CPSF4: variants seen among roughly 807,000 people sequenced by gnomAD.
The protein encoded by CPSF4 is cleavage and polyadenylation specificity factor subunit 4.
A neutral mutation model predicts 37.7 loss-of-function variants in CPSF4; 11 were observed. That is an observed-to-expected ratio of 0.29 (90% confidence interval 0.18 to 0.48). The LOEUF is 0.48. Ranked by LOEUF, CPSF4 falls within the 20% of genes least tolerant of loss-of-function variation. The pLI, the probability that CPSF4 is intolerant of heterozygous loss-of-function variation, is 0.99. For synonymous variants in CPSF4, 132 were observed against 135.9 expected, an observed-to-expected ratio of 0.97 and a Z score of 0.20; for missense variants, 144 against 359.5, an observed-to-expected ratio of 0.40 and a Z score of 4.85.
At chr7:99,440,668 ATATATATTTT>A (rs1290101641) in intron 1 of CPSF4, among the ~76,000 whole-genome samples, 14 of 84,798 alleles carry the variant, frequency 1.7e-4, no homozygotes, top group African/African-American at 1.5e-3. Context: ...ATATATATAT[ATATATATTTT>A]TTTTTTTTTT....
At chr7:99,442,910 T>C in intron 1 of CPSF4, 3 of 1,425,314 alleles carry the variant, frequency 2.1e-6, no homozygotes, top group Non-Finnish European at 3.0e-6. Context: ...GCTCTGCTCT[T>C]TTCCTCTTCT....
intron 1 of CPSF4, among the ~76,000 whole-genome samples, chr7:99,441,864 G>C (rs1234579888): frequency 6.6e-6 from 1 of 152,014 alleles, no homozygotes. Context: ...ACTAATTTTT[G>C]CATTTTTAGT....
chr7:99,450,833 C>T (rs780269981), intron 5 of CPSF4, 38 bp downstream of exon 5: 61 of 1,487,706 alleles, frequency 4.1e-5, no homozygotes, highest in Middle Eastern at 4.2e-4. Context: ...CCCCAGCTCC[C>T]GGCCCAGGCC....
At chr7:99,440,165 G>A (rs1024462757) in intron 1 of CPSF4, among the ~76,000 whole-genome samples, 4 of 152,160 alleles carry the variant, frequency 2.6e-5, no homozygotes, top group African/African-American at 9.7e-5. Context: ...CCAAGCGGGG[G>A]AAGGGACTTG....
At chr7:99,444,953 CG>C in intron 2 of CPSF4, 114 bp downstream of exon 2, 3 of 905,652 alleles carry the variant, frequency 3.3e-6, no homozygotes, top group Non-Finnish European at 3.5e-6. Context: ...TACAGACTAA[CG>C]ATCTCTGTAG....
Position 99,448,056 on chromosome 7 carries a change from C to T in CPSF4, c.155-65C>T. ...GGAAGTGAAGGTACCTCAGCTTCTT[C>T]AGGCCGTGTCCCCCAGGCTCAGGGT... On this transcript the variant is annotated intron_variant, in intron 2 of 7. Transcript: ENST00000292476. The surrounding 1 kb of genome is among the most constrained non-coding windows in gnomAD (Gnocchi z 4.4). The T allele has an allele frequency of 1.3e-6, 2 of 1,557,546 alleles. No individual in the cohort carries two copies. The highest frequency in any genetic ancestry group is 1.4e-5 in the African/African-American group (1 of 73,912).
rs775533517 is a variant in CPSF4, at chr7:99,448,167, G to C, written c.201G>C (p.Val67=). The stretch of plus-strand genomic sequence containing the variant: ...ACATCAGTGGTGAGAAGACAGTTGT[G>C]TGCAAACACTGGCTGCGTGGCCTAT... ...FRHISGEKTV[V]CKHWLRGLCK... The change falls in exon 3 of 8, where the codon GTG becomes GTC. Residue 67 remains valine, a synonymous_variant. Coordinates refer to ENST00000292476, the MANE Select transcript of CPSF4 (RefSeq NM_006693.4). The surrounding 1 kb of genome is among the most constrained non-coding windows in gnomAD (Gnocchi z 4.4). The C allele has an allele frequency of 1.5e-5, 25 of 1,614,088 alleles. No individual in the cohort carries two copies. In the African/African-American group the frequency reaches 2.4e-4, roughly 16 times the overall value.
At chr7:99,446,821 C>CTTTTT (rs1797543686) in intron 2 of CPSF4, among the ~76,000 whole-genome samples, 3 of 73,554 alleles carry the variant, frequency 4.1e-5, no homozygotes, top group African/African-American at 6.0e-5. Context: ...CGGAGTTTTG[C>CTTTTT]TCTTGTTGCC....
Position 99,448,464 on chromosome 7 carries a change from T to C in CPSF4, c.307+191T>C. ...TGGCTATTTTCTGCTCATCTCTTTT[T>C]TTTTTTTTTTTTTTTTAAAGACATA... On this transcript the variant is annotated intron_variant, in intron 3 of 7. Coordinates refer to ENST00000292476, the MANE Select transcript of CPSF4 (RefSeq NM_006693.4). The surrounding 1 kb of genome is among the most constrained non-coding windows in gnomAD (Gnocchi z 4.4). The C allele has an allele frequency of 1.9e-6, 1 of 539,724 alleles. No homozygotes were observed. The highest frequency in any genetic ancestry group is 2.5e-5 in the South Asian group (1 of 40,238). 33.4% of individuals were successfully genotyped at this position (539,724 alleles called of 1,614,324 possible).
At chr7:99,449,867 A>G (rs1797813354) in intron 3 of CPSF4, among the ~76,000 whole-genome samples, 1 of 151,966 alleles carries the variant, frequency 6.6e-6, no homozygotes, top group Non-Finnish European at 1.5e-5. Flanking sequence ...GAGCCTGCGG[A>G]GGGGCCTGGG....
In CPSF4 at chr7:99,442,669, A is replaced by AAAAC. The variant is rs1554363504; in HGVS notation, c.104-2117_104-2116insCAAA. On this transcript the variant is annotated intron_variant, in intron 1 of 7. Coordinates refer to ENST00000292476, the MANE Select transcript of CPSF4 (RefSeq NM_006693.4). Reference sequence around the variant, plus strand: ...AGACTCCGTCTCAAAAAAAAAAAAAAAAAAAACAAAAAACAAGCAATATAA... The same window carrying AAAAC: ...AGACTCCGTCTCAAAAAAAAAAAAAAAAACAAAAAACAAAAAACAAGCAATATAA... Among the ~76,000 whole-genome samples, 28 of 150,400 alleles carry AAAAC rather than the reference A, an allele frequency of 1.9e-4. 2 individuals are homozygous for AAAAC. In the South Asian group the frequency reaches 3.3e-3, roughly 18 times the overall value.
At chr7:99,450,991 A>C (rs931901336) in intron 5 of CPSF4, 196 bp downstream of exon 5, 76 of 574,246 alleles carry the variant, frequency 1.3e-4, no homozygotes, top group Non-Finnish European at 9.4e-6. Flanking sequence ...GGCTCTGCCT[A>C]GACCAGGAGC....
At chr7:99,444,414 G>A (rs1020861269) in intron 1 of CPSF4, among the ~76,000 whole-genome samples, 6 of 151,858 alleles carry the variant, frequency 4.0e-5, no homozygotes, top group Admixed American at 2.0e-4. Flanking sequence ...CCAAGATCGC[G>A]TCATTGCACT....
chr7:99,443,856 T>C (rs1584490487), intron 1 of CPSF4, among the ~76,000 whole-genome samples: 1 of 152,036 alleles, frequency 6.6e-6, no homozygotes, highest in African/African-American at 2.4e-5. Context: ...GAGGCAGAGG[T>C]TACGGTGAGC....
intron 2 of CPSF4, among the ~76,000 whole-genome samples, chr7:99,447,509 A>G (rs1380076281): frequency 2.0e-5 from 3 of 150,966 alleles, no homozygotes; most frequent in Admixed American, 6.6e-5. Flanking sequence ...TGACCTCGTG[A>G]TCTACCCACC....
chr7:99,445,166 C>T (rs1307188975), intron 2 of CPSF4, among the ~76,000 whole-genome samples: 1 of 152,150 alleles, frequency 6.6e-6, no homozygotes, highest in African/African-American at 2.4e-5. Context: ...GCGGCAGAGC[C>T]CAGTGTCTGA....
At chr7:99,456,311 T>C (rs904120859) in intron 7 of CPSF4, 121 bp from the exon 8 acceptor site, 8 of 812,916 alleles carry the variant, frequency 9.8e-6, no homozygotes, top group African/African-American at 6.7e-5. Flanking sequence ...TTCAGAGTCA[T>C]GTCCCGACTG....
At chr7:99,450,214 T>A in intron 3 of CPSF4, 62 bp from the exon 4 acceptor site, 1 of 1,336,732 alleles carries the variant, frequency 7.5e-7, no homozygotes, top group Non-Finnish European at 1.1e-6. Context: ...TTTCCTTGGA[T>A]GAAGCCAAGG....
At chr7:99,454,193 C>A in intron 7 of CPSF4, 57 bp downstream of exon 7, 1 of 1,414,070 alleles carries the variant, frequency 7.1e-7, no homozygotes, top group Non-Finnish European at 9.7e-7. Context: ...AGTGGCCATT[C>A]CCTCATGCCC....
Sources: gnomAD v4.1 joint callset for allele counts (sites outside exome capture counted in the v4.1 genomes callset) on GRCh38, gnomAD v4.1.1 for gene constraint, Gnocchi (gnomAD v3.1) non-coding constraint, MANE v1.5 for transcripts, NCBI Gene and HGNC (gene_info 2026-07-23, HGNC 2026-07-21) for gene names.